CLCN7: variants seen among roughly 807,000 people sequenced by gnomAD.
The protein encoded by CLCN7 is Cl-/H+ antiporter 7.
CLCN7 carries 60 observed loss-of-function variants against 102.1 expected under a neutral mutation model. The ratio of observed to expected loss-of-function variants is 0.59; its 90% CI spans 0.48 to 0.73. The LOEUF (loss-of-function observed/expected upper bound fraction) is 0.73, where lower values mean the gene tolerates loss of function less well. Among genes scored for constraint, CLCN7 ranks in the 30% least tolerant of loss-of-function variants. CLCN7 has a pLI of 0.00. For missense variants in CLCN7, 962 were observed against 1,125.7 expected, an observed-to-expected ratio of 0.85 and a Z score of 2.08; for synonymous variants, 560 against 490.5, an observed-to-expected ratio of 1.14 and a Z score of -1.87.
chr16:1,461,633 G>T lies in CLCN7; in HGVS notation c.255C>A (p.His85Gln). The T allele has an allele frequency of 6.2e-7, 1 of 1,614,174 alleles. No individual in the cohort carries two copies. The highest frequency in any genetic ancestry group is 8.5e-7 in the Non-Finnish European group (1 of 1,180,028). ...ACTTGAGGGACAGGAGCTTCTCGTT[G>T]TGTGGGATCTCCTTGGGGAAGGGAT... ...PPHPFPKEIP[H>Q]NEKLLSLKYE... The change falls in exon 3 of 25, where the codon CAC becomes CAA. Residue 85 changes from histidine (H) to glutamine (Q), a missense_variant. Physicochemically the swap from His to Gln is conservative, Grantham distance 24. Transcript: ENST00000382745.
chr16:1,472,621 C>T (rs891516773), intron 1 of CLCN7: 4 of 152,218 alleles, frequency 2.6e-5, no homozygotes, highest in Non-Finnish European at 4.4e-5. Context: ...ACCCCAAGCA[C>T]ATTCAGTCCC....
intron 15 of CLCN7, chr16:1,452,307 T>A: frequency 4.1e-6 from 1 of 243,980 alleles, no homozygotes; most frequent in Non-Finnish European, 8.2e-6. Flanking sequence ...TGGGGCTACG[T>A]CGCGTGACCT....
chr16:1,457,695 T>C lies in CLCN7; in HGVS notation c.737A>G (p.Lys246Arg). The change falls in exon 8 of 25, where the codon AAG becomes AGG. Residue 246 changes from lysine to arginine, a missense_variant and splice_region_variant. This residue lies in a region of CLCN7 where 799 missense variants were observed against 988.0 expected (regional missense o/e 0.81). Transcript: ENST00000382745. The surrounding 1 kb of genome is among the most constrained non-coding windows in gnomAD (Gnocchi z 5.4). ...LSVVGGLAVG[K>R]EGPMIHSGSV... ...GAGTGGCCATGTGCACTTTGTTACC[T>C]TTCCCACGGCCAGGCCCCCGACCAC... 6.2e-7 allele frequency: 1 copy of C among 1,613,656 alleles called. No individual in the cohort carries two copies. Among genetic ancestry groups the C allele is most frequent in the Non-Finnish European group, 8.5e-7 (1 of 1,179,974 alleles).
chr16:1,466,334 G>T (rs1203873588), intron 1 of CLCN7, among the ~76,000 whole-genome samples: 6 of 152,144 alleles, frequency 3.9e-5, no homozygotes. Flanking sequence ...CCTCAGGCTC[G>T]GCCTCCCGCA....
chr16:1,456,026 G>C, intron 10 of CLCN7, 87 bp downstream of exon 10: 1 of 1,195,506 alleles, frequency 8.4e-7, no homozygotes, highest in Non-Finnish European at 1.2e-6. Flanking sequence ...GCCACCCTCA[G>C]CGGGCACTGG....
chr16:1,462,990 A>C (rs2142392493), intron 2 of CLCN7, among the ~76,000 whole-genome samples: 1 of 152,290 alleles, frequency 6.6e-6, no homozygotes, highest in East Asian at 1.9e-4. Context: ...GTAAGACTCC[A>C]TCTCTACAAA....
intron 12 of CLCN7, 108 bp from the exon 13 acceptor site, chr16:1,454,573 C>T (rs141796484): frequency 1.9e-6 from 2 of 1,036,076 alleles, no homozygotes; most frequent in Non-Finnish European, 3.0e-6. Flanking sequence ...CCACAGAGAG[C>T]CTTCCCGCCC....
chr16:1,456,574 C>CA (rs1181989676), intron 9 of CLCN7, among the ~76,000 whole-genome samples: 3 of 152,232 alleles, frequency 2.0e-5, no homozygotes, highest in Admixed American at 1.3e-4. Context: ...CGCGGTGCCT[C>CA]ACGCCTGTCA....
At chr16:1,451,498 T>C in intron 16 of CLCN7, 125 bp downstream of exon 16, 1 of 737,318 alleles carries the variant, frequency 1.4e-6, no homozygotes, top group East Asian at 2.7e-5. Context: ...GTCCCTGCTA[T>C]GATCCATGCT....
At chr16:1,453,117 C>T (rs2142375153) in intron 14 of CLCN7, among the ~76,000 whole-genome samples, 1 of 152,310 alleles carries the variant, frequency 6.6e-6, no homozygotes, top group African/African-American at 2.4e-5. Flanking sequence ...AAGCAATTGT[C>T]TTGCCTCAGC....
At chr16:1,454,117 G>T (rs2038796780) in intron 13 of CLCN7, among the ~76,000 whole-genome samples, 1 of 152,260 alleles carries the variant, frequency 6.6e-6, no homozygotes, top group African/African-American at 2.4e-5. Flanking sequence ...AAGGTGTCCA[G>T]CAGAGCAATA....
At chr16:1,461,026 G>A in intron 4 of CLCN7, 78 bp from the exon 5 acceptor site, 6 of 1,544,064 alleles carry the variant, frequency 3.9e-6, no homozygotes, top group African/African-American at 1.4e-5. Flanking sequence ...CGCCCAGACC[G>A]CCTGCAGGCC....
At chr16:1,453,743 AG>A in intron 14 of CLCN7, 90 bp downstream of exon 14, 3 of 1,195,082 alleles carry the variant, frequency 2.5e-6, no homozygotes, top group Non-Finnish European at 3.8e-6. Flanking sequence ...GCTGTGGCCT[AG>A]GAGTGTAAAC....
chr16:1,463,277 G>C (rs375569924), intron 2 of CLCN7, among the ~76,000 whole-genome samples: 19 of 152,128 alleles, frequency 1.2e-4, no homozygotes, highest in African/African-American at 4.3e-4. Context: ...GTGAGGCAAT[G>C]GTTTCTTAGA....
intron 21 of CLCN7, 25 bp from the exon 22 acceptor site, chr16:1,447,739 G>A (rs558131344): frequency 3.2e-6 from 5 of 1,547,898 alleles, no homozygotes; most frequent in Non-Finnish European, 4.4e-6. Context: ...CGCGGTCAGG[G>A]CCACGGGCCC....
At chr16:1,451,808 CCT>C (rs2038756473) in intron 15 of CLCN7, 92 bp from the exon 16 acceptor site, 5 of 1,036,030 alleles carry the variant, frequency 4.8e-6, no homozygotes, top group Middle Eastern at 2.2e-4. Flanking sequence ...GGCCGTGTAC[CCT>C]GTGCCTGGCC....
intron 1 of CLCN7, among the ~76,000 whole-genome samples, chr16:1,468,540 G>A (rs531473507): frequency 3.9e-4 from 59 of 152,288 alleles, no homozygotes; most frequent in African/African-American, 1.3e-3. Context: ...AACACTAGAT[G>A]CTGTTCCTCA....
At chr16:1,446,951 G>A in intron 24 of CLCN7, 55 bp downstream of exon 24, 1 of 1,470,078 alleles carries the variant, frequency 6.8e-7, no homozygotes, top group Non-Finnish European at 9.3e-7. Flanking sequence ...AGCACGGGCA[G>A]GAGGCAGAGG....
chr16:1,458,474 G>C (rs376071791), intron 7 of CLCN7, among the ~76,000 whole-genome samples: 5 of 152,254 alleles, frequency 3.3e-5, no homozygotes, highest in Non-Finnish European at 7.3e-5. Flanking sequence ...TCCCACCACA[G>C]GGCAGGGGCA....
Sources: gnomAD v4.1 joint callset for allele counts (sites outside exome capture counted in the v4.1 genomes callset) on GRCh38, gnomAD v4.1.1 for gene constraint, gnomAD v4.1.1 regional missense constraint, Gnocchi (gnomAD v3.1) non-coding constraint, MANE v1.5 for transcripts, NCBI Gene and HGNC (gene_info 2026-07-23, HGNC 2026-07-21) for gene names.